RGS5: variants seen among roughly 807,000 people sequenced by gnomAD.
The protein encoded by RGS5 is regulator of G-protein signalling 5.
A neutral mutation model predicts 18.9 loss-of-function variants in RGS5; 20 were observed. The ratio of observed to expected loss-of-function variants is 1.06; its 90% confidence interval spans 0.74 to 1.54. The LOEUF (loss-of-function observed/expected upper bound fraction) is 1.54, where lower values mean the gene tolerates loss of function less well. RGS5 is among the 40% of genes most tolerant of loss of function. The probability of loss-of-function intolerance (pLI) is 0.00; values close to 1 mark genes in which losing one functional copy is unlikely to be tolerated. For synonymous variants in RGS5, 57 were observed against 76.2 expected, an observed-to-expected ratio of 0.75 and a Z score of 1.31; for missense variants, 201 against 211.8, an observed-to-expected ratio of 0.95 and a Z score of 0.32.
At chr1:163,161,605 T>C (rs1159575129) in intron 3 of RGS5, 3 of 254,070 alleles carry the variant, frequency 1.2e-5, no homozygotes, top group Non-Finnish European at 7.7e-6. Flanking sequence ...TCTATTTTAC[T>C]GATGAGAATG....
At chr1:163,172,422 A>C in intron 1 of RGS5, 1 of 899,356 alleles carries the variant, frequency 1.1e-6, no homozygotes, top group Non-Finnish European at 1.6e-6. Context: ...ACCAGGATGA[A>C]TCAGTACCCT....
At chr1:163,293,913 T>G (rs963677525) in intron 2 of RGS5, among the ~76,000 whole-genome samples, 1 of 152,088 alleles carries the variant, frequency 6.6e-6, no homozygotes, top group African/African-American at 2.4e-5. Flanking sequence ...AGCTCCAAAA[T>G]AATCTCCTTT....
At chr1:163,318,747 A>T (rs1459945444) in intron 1 of RGS5, 1 of 152,118 alleles carries the variant, frequency 6.6e-6, no homozygotes, top group African/African-American at 2.4e-5. Flanking sequence ...AGTTTCAAGG[A>T]GGGTTTAATC....
At chr1:163,192,332 AAC>A (rs1197510100) in intron 1 of RGS5, among the ~76,000 whole-genome samples, 1 of 151,974 alleles carries the variant, frequency 6.6e-6, no homozygotes, top group Non-Finnish European at 1.5e-5. Flanking sequence ...TGAATTGTAG[AAC>A]ACACCCTTGG....
chr1:163,255,148 T>C (rs1234479295), intron 2 of RGS5, among the ~76,000 whole-genome samples: 2 of 152,144 alleles, frequency 1.3e-5, no homozygotes, highest in African/African-American at 2.4e-5. Context: ...TTTGGTTCCA[T>C]ATGAACTTTA....
chr1:163,173,238 C>T (rs55941230), intron 1 of RGS5, among the ~76,000 whole-genome samples: 13,947 of 152,224 alleles, frequency 0.092, 914 homozygotes, highest in Non-Finnish European at 0.14. Context: ...TCTTCCTCCT[C>T]TTGTTATTCT....
At chr1:163,253,667 T>C (rs1422308220) in intron 2 of RGS5, among the ~76,000 whole-genome samples, 1 of 151,652 alleles carries the variant, frequency 6.6e-6, no homozygotes, top group Non-Finnish European at 1.5e-5. Context: ...ATTATTATTA[T>C]ACTTTAAGTT....
chr1:163,250,648 C>T (rs1027409141), intron 2 of RGS5, among the ~76,000 whole-genome samples: 1 of 152,112 alleles, frequency 6.6e-6, no homozygotes, highest in Non-Finnish European at 1.5e-5. Context: ...TACTGCTTAC[C>T]TCACTACTTT....
intron 2 of RGS5, among the ~76,000 whole-genome samples, chr1:163,305,813 A>C (rs1443202247): frequency 6.6e-6 from 1 of 152,046 alleles, no homozygotes; most frequent in Admixed American, 6.6e-5. Context: ...CCCTCACTTG[A>C]CTATCCTCTT....
intron 2 of RGS5, among the ~76,000 whole-genome samples, chr1:163,301,865 C>G (rs1019829522): frequency 6.6e-6 from 1 of 152,148 alleles, no homozygotes; most frequent in African/African-American, 2.4e-5. Context: ...GATACCCCAG[C>G]TTTTCCCAGG....
intron 2 of RGS5, among the ~76,000 whole-genome samples, chr1:163,262,072 T>C (rs1571326124): frequency 6.6e-6 from 1 of 150,896 alleles, no homozygotes; most frequent in African/African-American, 2.4e-5. Flanking sequence ...AGTAGTCAAA[T>C]GGGCTGACAT....
intron 1 of RGS5, among the ~76,000 whole-genome samples, chr1:163,191,560 C>T (rs1401263266): frequency 1.3e-5 from 2 of 152,088 alleles, no homozygotes; most frequent in Non-Finnish European, 2.9e-5. Context: ...TTCATGAGTG[C>T]GTTTCTTATT....
chr1:163,171,023 C>T (rs1405349338), intron 1 of RGS5, among the ~76,000 whole-genome samples: 1 of 152,122 alleles, frequency 6.6e-6, no homozygotes, highest in Non-Finnish European at 1.5e-5. Context: ...CAGCATTTGG[C>T]ATAGAACACG....
At chr1:163,293,108 G>A (rs1649333823) in intron 2 of RGS5, among the ~76,000 whole-genome samples, 1 of 152,130 alleles carries the variant, frequency 6.6e-6, no homozygotes, top group South Asian at 2.1e-4. Flanking sequence ...ATGCCTGAAT[G>A]GTATTGCCTG....
chr1:163,307,930 G>A (rs1649748870), intron 1 of RGS5, among the ~76,000 whole-genome samples: 1 of 152,190 alleles, frequency 6.6e-6, no homozygotes, highest in East Asian at 1.9e-4. Flanking sequence ...AGCAGTAACT[G>A]GCAGAAATGA....
chr1:163,238,445 G>A (rs1451345475), intron 2 of RGS5: 23 of 152,366 alleles, frequency 1.5e-4, no homozygotes, highest in Admixed American at 1.5e-3. Flanking sequence ...GAAACTCTCA[G>A]TGTTGATTGC....
chr1:163,286,038 C>CTATA (rs141052494), intron 2 of RGS5, among the ~76,000 whole-genome samples: 1 of 149,582 alleles, frequency 6.7e-6, no homozygotes, highest in African/African-American at 2.4e-5. Context: ...ACACACCCCA[C>CTATA]TATATATATA....
intron 2 of RGS5, among the ~76,000 whole-genome samples, chr1:163,228,529 G>T (rs1489108493): frequency 6.6e-6 from 1 of 152,198 alleles, no homozygotes; most frequent in Non-Finnish European, 1.5e-5. Flanking sequence ...AGGCCTCCGG[G>T]CCTGTGATGG....
At chr1:163,269,653 G>A (rs1358310561) in intron 2 of RGS5, among the ~76,000 whole-genome samples, 1 of 152,024 alleles carries the variant, frequency 6.6e-6, no homozygotes, top group African/African-American at 2.4e-5. Context: ...AAGAGAAACA[G>A]GGAATTAAAG....
Sources: gnomAD v4.1 joint callset for allele counts (sites outside exome capture counted in the v4.1 genomes callset) on GRCh38, gnomAD v4.1.1 for gene constraint, MANE v1.5 for transcripts, NCBI Gene and HGNC (gene_info 2026-07-23, HGNC 2026-07-21) for gene names.